The following DLGAP2 variants were observed in gnomAD, a reference collection of about 807,000 sequenced individuals.
The protein encoded by DLGAP2 is disks large-associated protein 2.
In DLGAP2, 26 loss-of-function variants were observed where a neutral mutation model predicts 100.3. The ratio of observed to expected loss-of-function variants is 0.26; its 90% CI spans 0.19 to 0.36. The LOEUF is 0.36. DLGAP2 is among the 10% of genes least tolerant of loss of function. The probability of loss-of-function intolerance (pLI) is 1.00; values close to 1 mark genes in which losing one functional copy is unlikely to be tolerated. For missense variants in DLGAP2, 1,858 were observed against 1,453.2 expected, an observed-to-expected ratio of 1.28 and a Z score of -4.53; for synonymous variants, 886 against 630.1, an observed-to-expected ratio of 1.41 and a Z score of -6.08.
intron 1 of DLGAP2, among the ~76,000 whole-genome samples, chr8:897,622 G>A (rs1455804422): frequency 6.6e-6 from 1 of 152,134 alleles, no homozygotes; most frequent in Non-Finnish European, 1.5e-5. Context: ...CCCAAGACCC[G>A]GCACCCCCTG....
intron 2 of DLGAP2, among the ~76,000 whole-genome samples, chr8:1,104,353 G>T (rs1355448023): frequency 6.6e-6 from 1 of 152,132 alleles, no homozygotes. Context: ...TGGAGGGAGG[G>T]TTGATGCCAG....
chr8:1,185,433 A>G (rs1797478806), intron 2 of DLGAP2, among the ~76,000 whole-genome samples: 1 of 152,054 alleles, frequency 6.6e-6, no homozygotes, highest in African/African-American at 2.4e-5. Flanking sequence ...TGCCTCTGGG[A>G]TGAGATAGAA....
chr8:777,393 A>C (rs1221247414), intron 1 of DLGAP2, among the ~76,000 whole-genome samples: 1 of 151,634 alleles, frequency 6.6e-6, no homozygotes, highest in Non-Finnish European at 1.5e-5. Context: ...TCCTGTCATC[A>C]TGATGTTAGC....
chr8:1,280,705 G>A (rs544823302), intron 3 of DLGAP2, among the ~76,000 whole-genome samples: 2 of 152,296 alleles, frequency 1.3e-5, no homozygotes, highest in African/African-American at 2.4e-5. Flanking sequence ...GGAGAGCTTG[G>A]TGCCACCTTC....
chr8:1,586,457 T>A (rs527620732), intron 6 of DLGAP2, among the ~76,000 whole-genome samples: 20 of 151,558 alleles, frequency 1.3e-4, no homozygotes, highest in African/African-American at 4.6e-4. Context: ...ATCTCCGACT[T>A]GCTCTGCCTT....
Position 1,348,689 on chromosome 8 carries a change from A to G in DLGAP2, c.106+89806A>G, listed in dbSNP as rs117622459. ...TGTGTGGAGGTTGAGTGCCCAGCAG[A>G]GCTGCATTGCTCTCATGGCCGCTGT... On this transcript the variant is annotated intron_variant, in intron 3 of 14. Transcript: ENST00000637795. Among the ~76,000 whole-genome samples the G allele has an allele frequency of 5.2e-3, 786 of 152,290 alleles. 5 individuals are homozygous for G. The highest frequency in any genetic ancestry group is 0.017 in the Middle Eastern group (5 of 294).
intron 3 of DLGAP2, among the ~76,000 whole-genome samples, chr8:1,312,481 C>G (rs552233028): frequency 6.6e-6 from 1 of 152,210 alleles, no homozygotes; most frequent in South Asian, 2.1e-4. Context: ...TCTTAAGCAA[C>G]AAGAAGAAAA....
At chr8:1,286,649 G>T (rs1034438192) in intron 3 of DLGAP2, among the ~76,000 whole-genome samples, 1 of 152,180 alleles carries the variant, frequency 6.6e-6, no homozygotes, top group African/African-American at 2.4e-5. Context: ...TCCGTGCTGG[G>T]CTGTACAGCA....
At chr8:1,205,687 C>T (rs1041781082) in intron 2 of DLGAP2, among the ~76,000 whole-genome samples, 10 of 152,140 alleles carry the variant, frequency 6.6e-5, no homozygotes, top group East Asian at 1.9e-4. Context: ...TAGAGGTGAC[C>T]GGAGCACTGG....
chr8:1,527,959 A>G (rs1437765503), intron 4 of DLGAP2, among the ~76,000 whole-genome samples: 1 of 152,240 alleles, frequency 6.6e-6, no homozygotes, highest in Non-Finnish European at 1.5e-5. Flanking sequence ...TGTATTACAT[A>G]CAATTTTCAT....
At chr8:1,320,717 C>G (rs1442223623) in intron 3 of DLGAP2, among the ~76,000 whole-genome samples, 2 of 152,334 alleles carry the variant, frequency 1.3e-5, no homozygotes, top group African/African-American at 4.8e-5. Context: ...CTTGTGCACA[C>G]CCACCCCAGT....
chr8:1,184,279 C>T (rs1008401132), intron 2 of DLGAP2, among the ~76,000 whole-genome samples: 1 of 152,226 alleles, frequency 6.6e-6, no homozygotes, highest in Non-Finnish European at 1.5e-5. Context: ...TTTATTATTT[C>T]AAGACATGAA....
intron 1 of DLGAP2, among the ~76,000 whole-genome samples, chr8:809,449 C>T (rs1489207863): frequency 7.6e-6 from 1 of 132,088 alleles, no homozygotes; most frequent in African/African-American, 2.9e-5. Flanking sequence ...AGTACTCTGT[C>T]TCTGGCAGGT....
intron 1 of DLGAP2, among the ~76,000 whole-genome samples, chr8:776,056 G>A (rs1311035508): frequency 5.3e-5 from 8 of 151,456 alleles, no homozygotes; most frequent in African/African-American, 1.2e-4. Context: ...CAGAGATTCA[G>A]CTTCTTCCTG....
intron 1 of DLGAP2, among the ~76,000 whole-genome samples, chr8:769,703 A>G (rs969928420): frequency 2.6e-5 from 4 of 152,158 alleles, no homozygotes; most frequent in African/African-American, 9.7e-5. Flanking sequence ...TAGGGGCAAC[A>G]GAGACACTCA....
chr8:1,499,059 A>C (rs763130746), intron 3 of DLGAP2, among the ~76,000 whole-genome samples: 2 of 152,224 alleles, frequency 1.3e-5, no homozygotes, highest in Non-Finnish European at 2.9e-5. Context: ...GAGATCAGGC[A>C]AGGAAGCGTT....
intron 2 of DLGAP2, among the ~76,000 whole-genome samples, chr8:940,072 G>A (rs1462996068): frequency 6.6e-6 from 1 of 152,054 alleles, no homozygotes; most frequent in African/African-American, 2.4e-5. Flanking sequence ...GTGCAGTAGG[G>A]TGCTTGGAAT....
intron 6 of DLGAP2, among the ~76,000 whole-genome samples, chr8:1,614,661 A>G (rs13256796): frequency 2.0e-5 from 3 of 152,308 alleles, no homozygotes; most frequent in African/African-American, 7.2e-5. Flanking sequence ...CAAACCAACA[A>G]CTACAGCAGC....
chr8:1,293,449 C>G (rs1027191632), intron 3 of DLGAP2, among the ~76,000 whole-genome samples: 4 of 152,340 alleles, frequency 2.6e-5, no homozygotes, highest in Middle Eastern at 6.8e-3. Context: ...GGCTCCTTCC[C>G]TGTGCCTCCC....
Sources: gnomAD v4.1 joint callset for allele counts (sites outside exome capture counted in the v4.1 genomes callset) on GRCh38, gnomAD v4.1.1 for gene constraint, MANE v1.5 for transcripts, NCBI Gene and HGNC (gene_info 2026-07-23, HGNC 2026-07-21) for gene names.